Variants in PRLR observed in about 807,000 individuals in gnomAD.
The protein encoded by PRLR is prolactin receptor.
PRLR carries 13 observed loss-of-function variants against 40.2 expected under a neutral mutation model. That is an observed-to-expected ratio of 0.32 (90% CI 0.21 to 0.51). PRLR has a LOEUF of 0.51. Among genes scored for constraint, PRLR ranks in the 20% least tolerant of loss-of-function variants. The pLI is 0.97. For missense variants in PRLR, 656 were observed against 747.3 expected (o/e 0.88, Z 1.42); for synonymous variants, 269 against 278.7 (o/e 0.97, Z 0.35).
At chr5:35,080,815 G>A (rs758559163) in intron 5 of PRLR, among the ~76,000 whole-genome samples, 2 of 152,062 alleles carry the variant, frequency 1.3e-5, no homozygotes, top group Non-Finnish European at 2.9e-5. Context: ...TGATGGACTG[G>A]ATTAAGAAAA....
At chr5:35,131,392 G>T (rs960778025) in intron 1 of PRLR, among the ~76,000 whole-genome samples, 3 of 152,124 alleles carry the variant, frequency 2.0e-5, no homozygotes, top group African/African-American at 7.2e-5. Context: ...TTTACTGGGG[G>T]TTTACATACA....
Position 35,059,632 on chromosome 5 carries a change from G to A in PRLR, c.*5457C>T, listed in dbSNP as rs778968378. The A allele has an allele frequency of 1.8e-4, 27 of 152,100 alleles. No homozygotes were observed. Among genetic ancestry groups the A allele is most frequent in the Non-Finnish European group, 3.4e-4 (23 of 68,004 alleles). The allele number at this position is 152,100 out of a possible 1,614,324, so 9.4% of individuals were successfully genotyped here. A position where few individuals can be genotyped will look rare whatever the true frequency, so the allele number is the denominator to read the frequency against. On this transcript the variant is annotated 3_prime_UTR_variant, in exon 10 of 10. Transcript: ENST00000618457. ...CTATCTTTTTCCTTTTATCAAAATGGGTGCCATGAGGGTCCCAGACCAAAA... is the reference window on the plus strand; with the variant it reads ...CTATCTTTTTCCTTTTATCAAAATGAGTGCCATGAGGGTCCCAGACCAAAA...
intron 1 of PRLR, among the ~76,000 whole-genome samples, chr5:35,173,964 T>G (rs76212949): frequency 0.04 from 6,163 of 152,248 alleles, 155 homozygotes; most frequent in Middle Eastern, 0.11. Flanking sequence ...GTATATCTCC[T>G]AATGCTATCC....
intron 7 of PRLR, among the ~76,000 whole-genome samples, chr5:35,069,627 C>G (rs973755313): frequency 6.6e-6 from 1 of 152,204 alleles, no homozygotes; most frequent in Non-Finnish European, 1.5e-5. Flanking sequence ...AGCTGTAAAG[C>G]ATTTTAAAAA....
intron 1 of PRLR, among the ~76,000 whole-genome samples, chr5:35,173,688 T>TC (rs1209485393): frequency 2.0e-5 from 3 of 152,214 alleles, no homozygotes; most frequent in Admixed American, 6.5e-5. Context: ...GCCTCTTATG[T>TC]CTTCAAAACA....
At chr5:35,169,703 G>A (rs10941234) in intron 1 of PRLR, among the ~76,000 whole-genome samples, 43,468 of 152,134 alleles carry the variant, frequency 0.29, 6,345 homozygotes, top group Middle Eastern at 0.34. Flanking sequence ...CAACACCCAC[G>A]AGGGTTAGCT....
At position 35,113,744 on chromosome 5, in the gene PRLR, A is replaced by T. The variant is rs115207798; in HGVS notation, c.-44+4317T>A. 7.2e-3 allele frequency among the ~76,000 whole-genome samples: 1,096 copies of T among 152,364 alleles called. 18 individuals carry two copies. Among genetic ancestry groups the T allele is most frequent in the African/African-American group, 0.025 (1,059 of 41,588 alleles). ...TGCAAGTGCTAAGGAGGACCCCTGC[A>T]GGTACCATGAGAACCCATAGCGGGC... On this transcript the variant is annotated intron_variant, in intron 2 of 9. Transcript: ENST00000618457.
chr5:35,209,182 G>A (rs72734588), intron 1 of PRLR, among the ~76,000 whole-genome samples: 14,607 of 151,372 alleles, frequency 0.096, 916 homozygotes, highest in Non-Finnish European at 0.13. Context: ...AGATGATACC[G>A]ATTTTCTTTA....
chr5:35,197,844 T>C (rs1210518798), intron 1 of PRLR, among the ~76,000 whole-genome samples: 1 of 152,248 alleles, frequency 6.6e-6, no homozygotes, highest in African/African-American at 2.4e-5. Context: ...TTTGCCACCC[T>C]GGATCAGCAC....
chr5:35,213,309 G>A (rs971856938), intron 1 of PRLR, among the ~76,000 whole-genome samples: 6 of 152,310 alleles, frequency 3.9e-5, no homozygotes, highest in Non-Finnish European at 7.3e-5. Context: ...TTATGCTTCA[G>A]CTGATGATTT....
intron 9 of PRLR, among the ~76,000 whole-genome samples, chr5:35,067,436 C>T (rs1017934136): frequency 6.6e-6 from 1 of 152,040 alleles, no homozygotes; most frequent in African/African-American, 2.4e-5. Flanking sequence ...GCTGGGACTC[C>T]TGGGCTCTAG....
exon 9 of PRLR, chr5:35,049,067 A>G (rs1768383252): frequency 1.5e-6 from 1 of 657,590 alleles, no homozygotes; most frequent in Non-Finnish European, 2.8e-6. Flanking sequence ...CATTCAATAT[A>G]ATTGTCCCTT....
At chr5:35,165,912 G>A (rs1774810031) in intron 1 of PRLR, among the ~76,000 whole-genome samples, 1 of 152,144 alleles carries the variant, frequency 6.6e-6, no homozygotes, top group Admixed American at 6.5e-5. Flanking sequence ...CTTGTTAAGG[G>A]TTAGTCTCCA....
intron 1 of PRLR, among the ~76,000 whole-genome samples, chr5:35,163,715 T>C (rs977264626): frequency 6.6e-6 from 1 of 152,224 alleles, no homozygotes; most frequent in African/African-American, 2.4e-5. Flanking sequence ...AATGATAAAT[T>C]CAAGGAAGGC....
At chr5:35,221,384 A>G (rs773923634) in intron 1 of PRLR, among the ~76,000 whole-genome samples, 2 of 152,172 alleles carry the variant, frequency 1.3e-5, no homozygotes, top group Non-Finnish European at 2.9e-5. Flanking sequence ...CACACAGAAA[A>G]TTTTAGTGAT....
At position 35,059,011 on chromosome 5, in the gene PRLR, G is replaced by A. The variant is rs113852669; in HGVS notation, c.*6078C>T. 3.5e-3 allele frequency: 527 copies of A among 152,166 alleles called. 5 individuals carry two copies. The highest frequency in any genetic ancestry group is 0.012 in the African/African-American group (497 of 41,518). 9.4% of individuals were successfully genotyped at this position (152,166 alleles called of 1,614,324 possible). Reference sequence around the variant, plus strand: ...TCATAAAACAAATTATTTTTCAGCGGTATCTTCGCCATATAGTTTTTCAGA... The same window carrying A: ...TCATAAAACAAATTATTTTTCAGCGATATCTTCGCCATATAGTTTTTCAGA... On this transcript the variant is annotated 3_prime_UTR_variant, in exon 10 of 10. Coordinates refer to ENST00000618457, the MANE Select transcript of PRLR (RefSeq NM_000949.7).
chr5:35,091,768 T>G (rs1374727170), intron 2 of PRLR, among the ~76,000 whole-genome samples: 1 of 152,226 alleles, frequency 6.6e-6, no homozygotes, highest in Admixed American at 6.5e-5. Flanking sequence ...ACTGTTGATC[T>G]CATGAATCCA....
chr5:35,092,455 A>T (rs1771270772), intron 2 of PRLR, among the ~76,000 whole-genome samples: 1 of 152,228 alleles, frequency 6.6e-6, no homozygotes, highest in African/African-American at 2.4e-5. Context: ...CTCTGAACAC[A>T]CAAGGAGATG....
At chr5:35,166,749 A>G (rs1774845053) in intron 1 of PRLR, among the ~76,000 whole-genome samples, 1 of 152,168 alleles carries the variant, frequency 6.6e-6, no homozygotes, top group Non-Finnish European at 1.5e-5. Flanking sequence ...TGTGAGGCAC[A>G]CATATAATGG....
Sources: gnomAD v4.1 joint callset for allele counts (sites outside exome capture counted in the v4.1 genomes callset) on GRCh38, gnomAD v4.1.1 for gene constraint, MANE v1.5 for transcripts, NCBI Gene and HGNC (gene_info 2026-07-23, HGNC 2026-07-21) for gene names.